SAMD4B: variants seen among roughly 807,000 people sequenced by gnomAD.
The protein encoded by SAMD4B is sterile alpha motif domain containing 4B.
In SAMD4B, 5 loss-of-function variants were observed where a neutral mutation model predicts 74.5. That is an observed-to-expected ratio of 0.07 (90% CI 0.04 to 0.14). The LOEUF is 0.14. Among genes scored for constraint, SAMD4B ranks in the 10% least tolerant of loss-of-function variants. The pLI is 1.00. For missense variants in SAMD4B, 608 were observed against 921.8 expected (o/e 0.66, Z 4.41); for synonymous variants, 373 against 374.9 (o/e 1.00, Z 0.06).
At position 39,378,790 on chromosome 19, in the gene SAMD4B, C is replaced by T. The variant is rs931161360; in HGVS notation, c.1530+201C>T. On this transcript the variant is annotated intron_variant, in intron 9 of 13. Coordinates refer to ENST00000610417, the MANE Select transcript of SAMD4B (RefSeq NM_001384574.2). This position sits in a 1 kb window ranked among gnomAD's most constrained non-coding sequence, Gnocchi z 4.4. ...GGCGTGGTGGCAGGTGCCTGCAGTC[C>T]CAGCTACGCGGGAGGCTGAGGCAGA... is the stretch of plus-strand genomic sequence containing the variant. Among the ~76,000 whole-genome samples the T allele has an allele frequency of 6.6e-6, 1 of 152,236 alleles. No homozygotes were observed. The highest frequency in any genetic ancestry group is 2.4e-5 in the African/African-American group (1 of 41,458).
At chr19:39,354,897 C>A (rs1397855721) in intron 2 of SAMD4B, among the ~76,000 whole-genome samples, 2 of 152,000 alleles carry the variant, frequency 1.3e-5, no homozygotes, top group Non-Finnish European at 2.9e-5. Context: ...TTTTCTGAGG[C>A]AGAGTTTCCC....
chr19:39,361,038 C>T (rs1406362388), intron 3 of SAMD4B, among the ~76,000 whole-genome samples: 2 of 152,114 alleles, frequency 1.3e-5, no homozygotes, highest in African/African-American at 4.8e-5. Context: ...CCTGCCTGAC[C>T]CTCTCGGGCC....
intron 4 of SAMD4B, among the ~76,000 whole-genome samples, chr19:39,374,213 G>C (rs2077469612): frequency 6.6e-6 from 1 of 152,122 alleles, no homozygotes; most frequent in South Asian, 2.1e-4. Context: ...GGAGGTTGCA[G>C]TGAGCCAAGA....
In SAMD4B at chr19:39,380,798, G is replaced by T; in HGVS notation, c.1848+13G>T. On this transcript the variant is annotated intron_variant, in intron 11 of 13. Coordinates refer to ENST00000610417, the MANE Select transcript of SAMD4B (RefSeq NM_001384574.2). ...CCAGGGCCGACAGGTAAGCTGGCTG[G>T]AAGCAGGGGCCTGGCCTCCTGGGGT... 1 of 1,526,340 alleles carries T rather than the reference G, an allele frequency of 6.6e-7. No individual in the cohort carries two copies. The highest frequency in any genetic ancestry group is 2.3e-5 in the East Asian group (1 of 43,580). 94.5% of individuals were successfully genotyped at this position (1,526,340 alleles called of 1,614,324 possible). A position where few individuals can be genotyped will look rare whatever the true frequency, so the allele number is the denominator to read the frequency against.
downstream of SAMD4B, chr19:39,388,577 G>A (rs1269892623): frequency 1.2e-6 from 2 of 1,613,934 alleles, no homozygotes; most frequent in East Asian, 2.2e-5. Flanking sequence ...CTGGTGCATA[G>A]TCCATCTCCT....
chr19:39,389,526 C>T (rs764558961), downstream of SAMD4B: 4 of 1,614,200 alleles, frequency 2.5e-6, no homozygotes, highest in Non-Finnish European at 3.4e-6. This position sits in a 1 kb window ranked among gnomAD's most constrained non-coding sequence, Gnocchi z 5.3. Flanking sequence ...AAAAGTTTCT[C>T]ATCAGCTGGA....
Position 39,369,692 on chromosome 19 carries a change from G to T in SAMD4B, c.234G>T (p.Lys78Asn). 1 of 1,614,158 alleles carries T rather than the reference G, an allele frequency of 6.2e-7. No individual in the cohort carries two copies. Among genetic ancestry groups the T allele is most frequent in the Non-Finnish European group, 8.5e-7 (1 of 1,180,022 alleles). The change falls in exon 4 of 14, where the codon AAG becomes AAT. Residue 78 changes from lysine to asparagine, a missense_variant. Transcript: ENST00000610417. ...VSQWQQESKE[K>N]VVSLLLSHLP... is the part of the protein sequence containing the mutation. ...AGTGGCAGCAGGAGTCCAAAGAGAA[G>T]GTGGTGTCCCTCCTGCTGTCCCACC...
At chr19:39,369,458 T>A (rs1279861789) in intron 3 of SAMD4B, 197 bp from the exon 4 acceptor site, 4 of 592,152 alleles carry the variant, frequency 6.8e-6, no homozygotes, top group African/African-American at 3.7e-5. Context: ...TTAAAAAAAA[T>A]AAGACAAAAA....
In SAMD4B at chr19:39,377,776, G is replaced by A. The variant is rs200461797; in HGVS notation, c.1396G>A (p.Val466Ile). The change falls in exon 8 of 14, where the codon GTC (valine) becomes ATC (isoleucine). Residue 466 changes from valine to isoleucine, a missense_variant. Transcript: ENST00000610417. ...TDGSEPAPAP[V>I]ADGDIPSQFT... ...TGGCAGTGAGCCTGCCCCGGCTCCCGTCGCCGACGGAGACATCCCCAGCCA... is the reference window on the plus strand; with the variant it reads ...TGGCAGTGAGCCTGCCCCGGCTCCCATCGCCGACGGAGACATCCCCAGCCA... 40 of 1,612,308 alleles carry A rather than the reference G, an allele frequency of 2.5e-5. No individual in the cohort carries two copies. Among genetic ancestry groups the A allele is most frequent in the Admixed American group, 2.0e-4 (12 of 59,886 alleles).
chr19:39,375,928 G>A lies in SAMD4B; in HGVS notation c.907+39G>A, dbSNP rs758782545. 8 of 1,588,948 alleles carry A rather than the reference G, an allele frequency of 5.0e-6. No individual in the cohort carries two copies. In the East Asian group the frequency reaches 1.8e-4, roughly 36 times the overall value. On this transcript the variant is annotated intron_variant, in intron 5 of 13. Coordinates refer to ENST00000610417, the MANE Select transcript of SAMD4B (RefSeq NM_001384574.2). The surrounding 1 kb of genome is among the most constrained non-coding windows in gnomAD (Gnocchi z 4.1). ...AGCAGCACCAGGACCCTTTTCCAGGGGCTTCTGCAGAGCTTAGAGGACAGA... is the reference window on the plus strand; with the variant it reads ...AGCAGCACCAGGACCCTTTTCCAGGAGCTTCTGCAGAGCTTAGAGGACAGA...
At chr19:39,356,514 AT>A (rs1463858249) in intron 2 of SAMD4B, among the ~76,000 whole-genome samples, 174 bp from the exon 3 acceptor site, 1 of 152,072 alleles carries the variant, frequency 6.6e-6, no homozygotes, top group Non-Finnish European at 1.5e-5. Context: ...GGATCTGAAG[AT>A]TTGGGTGAAA....
At chr19:39,354,377 A>AT (rs552030951) in intron 2 of SAMD4B, among the ~76,000 whole-genome samples, 4 of 151,662 alleles carry the variant, frequency 2.6e-5, no homozygotes, top group East Asian at 1.9e-4. Flanking sequence ...AGTGCCTTCA[A>AT]TTTTTTTTTC....
downstream of SAMD4B, chr19:39,386,271 C>T (rs760836681): frequency 9.9e-6 from 16 of 1,614,204 alleles, no homozygotes; most frequent in Non-Finnish European, 1.4e-5. The surrounding 1 kb of genome is among the most constrained non-coding windows in gnomAD (Gnocchi z 6.1). Flanking sequence ...ATCCTCGCTG[C>T]TCTCGTCCTC....
rs1167160505 is a variant in SAMD4B at position 39,375,641 on chromosome 19, T to C, written c.668-9T>C. The C allele has an allele frequency of 6.3e-7, 1 of 1,595,008 alleles. No individual in the cohort carries two copies. On this transcript the variant is annotated splice_polypyrimidine_tract_variant and intron_variant, in intron 4 of 13. Transcript: ENST00000610417. The surrounding 1 kb of genome is among the most constrained non-coding windows in gnomAD (Gnocchi z 4.1). ...GTCTAATATTTTGCTTTTCTCCCAC[T>C]CTGGCCAGGTCTCCCCTGCCAAATC...
Position 39,379,678 on chromosome 19 carries a change from C to G in SAMD4B, c.1531-288C>G, listed in dbSNP as rs141616971. Among the ~76,000 whole-genome samples, 1,037 of 152,286 alleles carry G rather than the reference C, an allele frequency of 6.8e-3. 7 individuals carry two copies. The highest frequency in any genetic ancestry group is 0.024 in the African/African-American group (983 of 41,546). Reference sequence around the variant, plus strand: ...CTCCGCCTCCCAGGTTCAAGTGATTCTCCTGCCTCAGCCTCCCAAGTATCT... The same window carrying G: ...CTCCGCCTCCCAGGTTCAAGTGATTGTCCTGCCTCAGCCTCCCAAGTATCT... On this transcript the variant is annotated intron_variant, in intron 9 of 13. Transcript: ENST00000610417.
chr19:39,380,528 G>A, intron 10 of SAMD4B, 59 bp from the exon 11 acceptor site: 3 of 1,560,380 alleles, frequency 1.9e-6, no homozygotes, highest in Non-Finnish European at 2.6e-6. Context: ...GGTGAGGAAG[G>A]GGTGGACAGA....
chr19:39,354,047 G>A lies in SAMD4B; in HGVS notation c.-225G>A, dbSNP rs919784586. 4 of 152,124 alleles carry A rather than the reference G, an allele frequency of 2.6e-5. No homozygotes were observed. Among genetic ancestry groups the A allele is most frequent in the East Asian group, 1.9e-4 (1 of 5,200 alleles). 9.4% of individuals were successfully genotyped at this position (152,124 alleles called of 1,614,324 possible). The stretch of plus-strand genomic sequence containing the variant: ...GTGCTCCAGGCAGCCACTACCAATC[G>A]ATTGGAGTTAGCCTGTGAGGTAAAA... On this transcript the variant is annotated 5_prime_UTR_variant, in exon 2 of 14. Transcript: ENST00000610417.
chr19:39,389,654 C>T (rs1483396807), downstream of SAMD4B: 8 of 1,614,052 alleles, frequency 5.0e-6, no homozygotes, highest in South Asian at 3.3e-5. This position sits in a 1 kb window ranked among gnomAD's most constrained non-coding sequence, Gnocchi z 5.3. Context: ...GGGGTCGATG[C>T]GGTAGGTGTC....
intron 10 of SAMD4B, 113 bp from the exon 11 acceptor site, chr19:39,380,474 A>G: frequency 9.0e-7 from 1 of 1,107,708 alleles, no homozygotes. Flanking sequence ...AGAATGTGTG[A>G]TGGAGGTTTA....
Sources: gnomAD v4.1 joint callset for allele counts (sites outside exome capture counted in the v4.1 genomes callset) on GRCh38, gnomAD v4.1.1 for gene constraint, Gnocchi (gnomAD v3.1) non-coding constraint, MANE v1.5 for transcripts, NCBI Gene and HGNC (gene_info 2026-07-23, HGNC 2026-07-21) for gene names.